SNX17: variants seen among roughly 807,000 people sequenced by gnomAD.
SNX17 encodes the protein sorting nexin 17.
In SNX17, 35 loss-of-function variants were observed where a neutral mutation model predicts 64.3. The ratio of observed to expected loss-of-function variants is 0.54; its 90% CI spans 0.42 to 0.72. The LOEUF (loss-of-function observed/expected upper bound fraction) is 0.72. Among genes scored for constraint, SNX17 ranks in the 30% least tolerant of loss-of-function variants. The pLI is 0.00. For synonymous variants in SNX17, 259 were observed against 230.2 expected (o/e 1.13, Z -1.13); for missense variants, 538 against 610.0 (o/e 0.88, Z 1.24).
Position 27,374,768 on chromosome 2 carries a change from G to A in SNX17, c.681+10G>A, listed in dbSNP as rs1259437922. The A allele has an allele frequency of 2.5e-6, 4 of 1,613,426 alleles. No homozygotes were observed. Among genetic ancestry groups the A allele is most frequent in the Non-Finnish European group, 3.4e-6 (4 of 1,179,500 alleles). On this transcript the variant is annotated intron_variant, in intron 8 of 14. Transcript: ENST00000233575. ...CCTGCTTTATGCTCAGGTGAGCTTG[G>A]AGCTGCCTCAGAACCCTTCCCCTGA...
intron 2 of SNX17, 175 bp downstream of exon 2, chr2:27,371,518 G>A (rs1315989576): frequency 3.0e-6 from 4 of 1,318,502 alleles, no homozygotes; most frequent in Non-Finnish European, 3.9e-6. Flanking sequence ...TCCCTAAGAA[G>A]CTTAATGTCC....
At chr2:27,372,818 G>A in intron 3 of SNX17, 78 bp downstream of exon 3, 1 of 1,562,330 alleles carries the variant, frequency 6.4e-7, no homozygotes. Context: ...TTCTGTGGAA[G>A]GGCCTGATTT....
In SNX17 at chr2:27,376,352, G is replaced by A. The variant is rs751854478; in HGVS notation, c.1222G>A (p.Asp408Asn). 1.2e-6 allele frequency: 2 copies of A among 1,612,668 alleles called. No individual in the cohort carries two copies. Among genetic ancestry groups the A allele is most frequent in the African/African-American group, 2.7e-5 (2 of 74,870 alleles). Residue 408 changes from aspartate to asparagine, a missense_variant, in exon 13 of 15, where the codon GAC becomes AAC. Asp to Asn is a conservative substitution (Grantham distance 23). Around this residue, in one of 3 missense-constraint regions of SNX17, gnomAD observed 505 missense variants for 550.4 expected, o/e 0.92. Coordinates refer to ENST00000233575, the MANE Select transcript of SNX17 (RefSeq NM_014748.4). ...GGTGGGGGGTACTCTGAGACGCTCA[G>A]ACAGCCAGCAAGCAGTGAAGTCCCC... ...RRVGGTLRRS[D>N]SQQAVKSPPL... is the part of the protein sequence containing the mutation.
At chr2:27,371,844 A>C (rs1682610148) in intron 2 of SNX17, among the ~76,000 whole-genome samples, 1 of 152,230 alleles carries the variant, frequency 6.6e-6, no homozygotes, top group African/African-American at 2.4e-5. Flanking sequence ...TTAACTCAGT[A>C]GAGCTCCACT....
intron 2 of SNX17, chr2:27,371,671 A>C: frequency 4.3e-6 from 1 of 232,430 alleles, no homozygotes; most frequent in Non-Finnish European, 8.4e-6. Context: ...TCCTTCTGTC[A>C]TCTGAGCGGC....
At position 27,371,380 on chromosome 2, in the gene SNX17, C is replaced by T. The variant is rs775167097; in HGVS notation, c.138+37C>T. 28 of 1,588,052 alleles carry T rather than the reference C, an allele frequency of 1.8e-5. 1 individual carries two copies. The highest frequency in any genetic ancestry group is 4.1e-5 in the African/African-American group (3 of 73,974). On this transcript the variant is annotated intron_variant, in intron 2 of 14. Coordinates refer to ENST00000233575, the MANE Select transcript of SNX17 (RefSeq NM_014748.4). ...ACCCCTGCCTTGAGACAGCTTCAAG[C>T]CCTTCCCTACACGTGGACATCAGTG...
At chr2:27,376,541 G>C in intron 14 of SNX17, 21 bp downstream of exon 14, 5 of 1,614,176 alleles carry the variant, frequency 3.1e-6, no homozygotes, top group Non-Finnish European at 4.2e-6. Context: ...GCGTTGGTGA[G>C]GTTGCTGTTT....
In SNX17 at chr2:27,376,131, A is replaced by G. The variant is rs1404124502; in HGVS notation, c.1130A>G (p.Gln377Arg). The G allele has an allele frequency of 6.2e-7, 1 of 1,614,030 alleles. No individual in the cohort carries two copies. The highest frequency in any genetic ancestry group is 1.3e-5 in the African/African-American group (1 of 74,904). Reference protein sequence around the residue: ...PQAIMMSICLQSMVDELMVKK... With the variant: ...PQAIMMSICLRSMVDELMVKK... ...GCTATCATGATGAGCATCTGCTTGC[A>G]GTCCATGGTTGATGAACTGATGGTG... The change falls in exon 12 of 15, where the codon CAG becomes CGG. Residue 377 changes from glutamine to arginine, a missense_variant. Physicochemically the swap from Gln to Arg is conservative, Grantham distance 43. Transcript: ENST00000233575.
intron 3 of SNX17, 50 bp from the exon 4 acceptor site, chr2:27,373,197 G>T: frequency 6.2e-7 from 1 of 1,612,444 alleles, no homozygotes; most frequent in Non-Finnish European, 8.5e-7. Context: ...GGACTGGGGA[G>T]CCAAGAGTGA....
rs373653454 is a variant in SNX17 at position 27,375,727 on chromosome 2, G to T, written c.978+18G>T. 6.2e-7 allele frequency: 1 copy of T among 1,613,494 alleles called. No homozygotes were observed. ...CCTCCTCTGTGAGTCGGGTTAGGAGGGGGAAGGGCCTGGGTTGGGGGCCCG... is the reference window on the plus strand; with the variant it reads ...CCTCCTCTGTGAGTCGGGTTAGGAGTGGGAAGGGCCTGGGTTGGGGGCCCG... On this transcript the variant is annotated intron_variant, in intron 10 of 14. Transcript: ENST00000233575. The surrounding 1 kb of genome is among the most constrained non-coding windows in gnomAD (Gnocchi z 4.1).
chr2:27,370,675 G>C lies in SNX17; in HGVS notation c.-69G>C. Reference sequence around the variant, plus strand: ...GGCTGCGGGGACTCGCTGAGCAGCGGAGGGGGAGCGTGCAGAGCCGCTGCG... The same window carrying C: ...GGCTGCGGGGACTCGCTGAGCAGCGCAGGGGGAGCGTGCAGAGCCGCTGCG... On this transcript the variant is annotated 5_prime_UTR_variant, in exon 1 of 15. Coordinates refer to ENST00000233575, the MANE Select transcript of SNX17 (RefSeq NM_014748.4). 2 of 1,494,486 alleles carry C rather than the reference G, an allele frequency of 1.3e-6. No individual in the cohort carries two copies. Among genetic ancestry groups the C allele is most frequent in the Non-Finnish European group, 1.8e-6 (2 of 1,116,066 alleles). The allele number at this position is 1,494,486 out of a possible 1,614,324, so 92.6% of individuals were successfully genotyped here. A position where few individuals can be genotyped will look rare whatever the true frequency, so the allele number is the denominator to read the frequency against.
Position 27,375,108 on chromosome 2 carries a change from G to A in SNX17, c.729G>A (p.Gln243=). 1 of 1,614,084 alleles carries A rather than the reference G, an allele frequency of 6.2e-7. No individual in the cohort carries two copies. The highest frequency in any genetic ancestry group is 8.5e-7 in the Non-Finnish European group (1 of 1,180,018). Residue 243 remains glutamine (Q), a synonymous_variant, in exon 9 of 15, where the codon CAG becomes CAA. Coordinates refer to ENST00000233575, the MANE Select transcript of SNX17 (RefSeq NM_014748.4). The surrounding 1 kb of genome is among the most constrained non-coding windows in gnomAD (Gnocchi z 4.1). ...GGTGGATCTTGGTCACCAAGGAACA[G>A]CACCGGCAACTCAAATCTCTGCAAG... The part of the protein sequence containing the change: ...ERGWILVTKE[Q]HRQLKSLQEK...
At chr2:27,371,580 T>TA in intron 2 of SNX17, 2 of 788,588 alleles carry the variant, frequency 2.5e-6, no homozygotes, top group Non-Finnish European at 3.5e-6. Flanking sequence ...TGTCCAGTCT[T>TA]ACTGCTCTAG....
chr2:27,375,477 T>C lies in SNX17; in HGVS notation c.775-29T>C. The C allele has an allele frequency of 1.2e-6, 2 of 1,613,248 alleles. No individual in the cohort carries two copies. The highest frequency in any genetic ancestry group is 4.5e-5 in the East Asian group (2 of 44,864). ...TGAGCTGCCCCATTCTCCCTCCTAA[T>C]CTACCCCCATGTGATGACCATTTTT... On this transcript the variant is annotated intron_variant, in intron 9 of 14. Coordinates refer to ENST00000233575, the MANE Select transcript of SNX17 (RefSeq NM_014748.4). The surrounding 1 kb of genome is among the most constrained non-coding windows in gnomAD (Gnocchi z 4.1).
At chr2:27,374,504 A>T in intron 7 of SNX17, 71 bp downstream of exon 7, 2 of 1,434,812 alleles carry the variant, frequency 1.4e-6, no homozygotes, top group South Asian at 2.3e-5. Context: ...CCACATATTG[A>T]GACAGAATAA....
chr2:27,374,456 G>T, intron 7 of SNX17, 23 bp downstream of exon 7: 3 of 1,584,176 alleles, frequency 1.9e-6, no homozygotes, highest in Non-Finnish European at 2.6e-6. Flanking sequence ...CCTGGAAGGG[G>T]AGGGGTGGGA....
chr2:27,376,879 T>A lies in SNX17; in HGVS notation c.*160T>A, dbSNP rs1683303676. 1.6e-6 allele frequency: 1 copy of A among 628,284 alleles called. No individual in the cohort carries two copies. The highest frequency in any genetic ancestry group is 1.9e-5 in the South Asian group (1 of 51,628). 38.9% of individuals were successfully genotyped at this position (628,284 alleles called of 1,614,324 possible). On this transcript the variant is annotated 3_prime_UTR_variant, in exon 15 of 15. Transcript: ENST00000233575. ...GGGCCTCGTATCCTACCTTTCCTTG[T>A]CCCCTGGGCTGGCTGCACAGAGGAT...
Position 27,376,189 on chromosome 2 carries a change from C to T in SNX17, c.1182+6C>T. The T allele has an allele frequency of 6.2e-7, 1 of 1,614,102 alleles. No homozygotes were observed. Among genetic ancestry groups the T allele is most frequent in the Admixed American group, 1.7e-5 (1 of 60,018 alleles). On this transcript the variant is annotated splice_donor_region_variant and intron_variant, in intron 12 of 14. Coordinates refer to ENST00000233575, the MANE Select transcript of SNX17 (RefSeq NM_014748.4). The stretch of plus-strand genomic sequence containing the variant: ...CTGGCGGCAGTATCAGGAAGGTAGG[C>T]AGCAAGTGTGGACTGAGCAGTGAGC...
intron 6 of SNX17, 32 bp downstream of exon 6, chr2:27,374,207 G>A: frequency 1.3e-6 from 2 of 1,592,380 alleles, no homozygotes; most frequent in Non-Finnish European, 1.7e-6. Flanking sequence ...TGCAGTACAA[G>A]GGTACTTCAG....
Sources: allele counts gnomAD v4.1 joint callset (sites outside exome capture counted in the v4.1 genomes callset), GRCh38; gene constraint gnomAD v4.1.1; regional missense constraint gnomAD v4.1.1; non-coding constraint Gnocchi (gnomAD v3.1); transcripts MANE v1.5; gene names NCBI Gene and HGNC (gene_info 2026-07-23, HGNC 2026-07-21).